The following AFAP1 variants were observed in gnomAD, a reference collection of about 807,000 sequenced individuals.
AFAP1 encodes actin filament-associated protein 1.
Under a neutral mutation model 93.9 loss-of-function variants are expected in AFAP1, and 75 were observed. The observed-to-expected ratio is 0.80, with a 90% CI of 0.66 to 0.97. AFAP1 has a LOEUF of 0.97. AFAP1 is among the 50% of genes least tolerant of loss of function. The pLI, the probability that AFAP1 is intolerant of heterozygous loss-of-function variation, is 0.00. For missense variants in AFAP1, 1,201 were observed against 1,050.8 expected (o/e 1.14, Z -1.98); for synonymous variants, 517 against 430.7 (o/e 1.20, Z -2.48).
chr4:7,890,326 T>C (rs994624239), intron 1 of AFAP1, among the ~76,000 whole-genome samples: 1 of 152,084 alleles, frequency 6.6e-6, no homozygotes, highest in East Asian at 1.9e-4. Context: ...TGGATGTCAG[T>C]ATGGGGAAAA....
chr4:7,808,535 A>T (rs141885901), intron 9 of AFAP1, among the ~76,000 whole-genome samples: 1 of 115,720 alleles, frequency 8.6e-6, no homozygotes, highest in African/African-American at 3.2e-5. Context: ...CTGCTCAAAG[A>T]TGACTTACTG....
Position 7,843,325 on chromosome 4 carries a change from G to A in AFAP1, c.360C>T (p.Ser120=). Residue 120 remains serine, a synonymous_variant, in exon 5 of 18, where the codon AGC becomes AGT. Coordinates refer to ENST00000420658, the MANE Select transcript of AFAP1 (RefSeq NM_001134647.2). ...CCTCTTCATCATACGACTCATAAGA[G>A]CTGCTCATCGCATCGGAATCATAAT... ...TSNYDSDAMS[S]SYESYDEEEE... 1 of 1,613,824 alleles carries A rather than the reference G, an allele frequency of 6.2e-7. No individual in the cohort carries two copies. Among genetic ancestry groups the A allele is most frequent in the East Asian group, 2.2e-5 (1 of 44,858 alleles).
chr4:7,786,415 G>C, intron 11 of AFAP1, 104 bp from the exon 12 acceptor site: 1 of 897,512 alleles, frequency 1.1e-6, no homozygotes, highest in Non-Finnish European at 1.8e-6. Flanking sequence ...CTATGTCAGA[G>C]GTCACAGGGG....
At chr4:7,870,994 CAT>C (rs1156557038) in intron 2 of AFAP1, among the ~76,000 whole-genome samples, 1 of 152,180 alleles carries the variant, frequency 6.6e-6, no homozygotes, top group African/African-American at 2.4e-5. Flanking sequence ...AGACTATCTC[CAT>C]AGAGTCCTCA....
intron 15 of AFAP1, chr4:7,773,644 C>T (rs1715741358): frequency 6.6e-6 from 1 of 152,616 alleles, no homozygotes; most frequent in South Asian, 2.1e-4. Context: ...CCTCCTGCAT[C>T]TTCACTATCC....
chr4:7,835,882 C>A (rs1465287963), intron 6 of AFAP1, among the ~76,000 whole-genome samples: 1 of 150,936 alleles, frequency 6.6e-6, no homozygotes, highest in African/African-American at 2.4e-5. Flanking sequence ...CTGAGGGCTG[C>A]CTTAAGGTTA....
At chr4:7,852,394 T>G (rs893510037) in intron 4 of AFAP1, among the ~76,000 whole-genome samples, 1 of 152,086 alleles carries the variant, frequency 6.6e-6, no homozygotes, top group African/African-American at 2.4e-5. Context: ...CTCGTGTCAG[T>G]AACAGGCAAA....
At chr4:7,888,722 T>C (rs1718268811) in intron 1 of AFAP1, among the ~76,000 whole-genome samples, 4 of 152,050 alleles carry the variant, frequency 2.6e-5, no homozygotes, top group Admixed American at 2.6e-4. Flanking sequence ...AAAAAAGACA[T>C]TACAAGGAAC....
rs184311612 is a variant in AFAP1, at chr4:7,773,212, C to T, written c.2063-202G>A. On this transcript the variant is annotated intron_variant, in intron 15 of 17. Coordinates refer to ENST00000420658, the MANE Select transcript of AFAP1 (RefSeq NM_001134647.2). ...TCCTACCATTTCCCTTTGCTGCAGC[C>T]GTTGAGGACTCGGACCAGGAAAGAG... 4.4e-4 allele frequency: 349 copies of T among 794,254 alleles called. No individual in the cohort carries two copies. Among genetic ancestry groups the T allele is most frequent in the African/African-American group, 6.8e-4 (39 of 57,084 alleles). The allele number at this position is 794,254 out of a possible 1,614,324, so 49.2% of individuals were successfully genotyped here. A position where few individuals can be genotyped will look rare whatever the true frequency, so the allele number is the denominator to read the frequency against.
chr4:7,873,326 A>G (rs1429679404), intron 1 of AFAP1, among the ~76,000 whole-genome samples: 2 of 138,512 alleles, frequency 1.4e-5, no homozygotes, highest in Non-Finnish European at 3.1e-5. Flanking sequence ...CTTAAATCTA[A>G]CCTTTGAAGA....
intron 12 of AFAP1, among the ~76,000 whole-genome samples, chr4:7,785,183 G>A (rs1314613509): frequency 1.3e-5 from 2 of 152,218 alleles, no homozygotes; most frequent in East Asian, 1.9e-4. Context: ...TGCTCAATAC[G>A]CGGTTGTGAG....
intron 11 of AFAP1, among the ~76,000 whole-genome samples, chr4:7,788,115 C>CGCAGGG (rs1191593457): frequency 6.6e-6 from 1 of 152,234 alleles, no homozygotes; most frequent in Non-Finnish European, 1.5e-5. Flanking sequence ...GGGGTCCTCA[C>CGCAGGG]GCAGGGGCAG....
At chr4:7,825,207 C>A (rs1454537243) in intron 6 of AFAP1, among the ~76,000 whole-genome samples, 3 of 152,080 alleles carry the variant, frequency 2.0e-5, no homozygotes, top group African/African-American at 7.2e-5. Flanking sequence ...TTTATTGCCC[C>A]AAAATATCAT....
chr4:7,826,600 A>C (rs80175554), intron 6 of AFAP1, among the ~76,000 whole-genome samples: 6,592 of 152,382 alleles, frequency 0.043, 222 homozygotes, highest in Non-Finnish European at 0.069. Flanking sequence ...TGTAGCACAC[A>C]AAAGAGATCT....
At chr4:7,859,275 C>T (rs1229503464) in intron 3 of AFAP1, among the ~76,000 whole-genome samples, 3 of 151,974 alleles carry the variant, frequency 2.0e-5, no homozygotes, top group Admixed American at 6.6e-5. Flanking sequence ...AAAAATTAGC[C>T]GAGTGTGGTG....
chr4:7,764,688 G>A (rs538286376), intron 17 of AFAP1, among the ~76,000 whole-genome samples: 24 of 152,342 alleles, frequency 1.6e-4, no homozygotes, highest in Admixed American at 6.5e-4. Flanking sequence ...TGTGGTCTAC[G>A]CAGTGCCAGC....
intron 12 of AFAP1, among the ~76,000 whole-genome samples, chr4:7,784,633 G>A (rs1013154498): frequency 6.6e-6 from 1 of 152,088 alleles, no homozygotes; most frequent in Non-Finnish European, 1.5e-5. Context: ...GGAACCCCAG[G>A]GCAGGTCCAG....
chr4:7,932,822 C>G (rs187204961), intron 1 of AFAP1, among the ~76,000 whole-genome samples: 3,744 of 152,036 alleles, frequency 0.025, 145 homozygotes, highest in African/African-American at 0.084. Context: ...GAGTTTTTGA[C>G]CAGCCTCGCC....
chr4:7,784,413 C>G (rs983027151), intron 12 of AFAP1, among the ~76,000 whole-genome samples: 1 of 152,168 alleles, frequency 6.6e-6, no homozygotes, highest in Non-Finnish European at 1.5e-5. Context: ...CCACTCACCC[C>G]CATGAGACTC....
Sources: gnomAD v4.1 joint callset for allele counts (sites outside exome capture counted in the v4.1 genomes callset) on GRCh38, gnomAD v4.1.1 for gene constraint, MANE v1.5 for transcripts, NCBI Gene and HGNC (gene_info 2026-07-23, HGNC 2026-07-21) for gene names.